Variants in TSNARE1 observed in about 807,000 individuals in gnomAD.
TSNARE1 encodes t-SNARE domain-containing protein 1.
A neutral mutation model predicts 62.0 loss-of-function variants in TSNARE1; 49 were observed. The observed-to-expected ratio is 0.79, with a 90% CI of 0.63 to 1.00. The LOEUF (loss-of-function observed/expected upper bound fraction) is 1.00. TSNARE1 is among the 50% of genes least tolerant of loss of function. The probability of loss-of-function intolerance (pLI) is 0.00; values close to 1 mark genes in which losing one functional copy is unlikely to be tolerated. For missense variants in TSNARE1, 755 were observed against 700.1 expected, an observed-to-expected ratio of 1.08 and a Z score of -0.88; for synonymous variants, 328 against 294.4, an observed-to-expected ratio of 1.11 and a Z score of -1.17.
Position 142,223,591 on chromosome 8 carries a change from TTCAC to T in TSNARE1, c.*11+5878_*11+5881del, listed in dbSNP as rs948762822. Among the ~76,000 whole-genome samples the T allele has an allele frequency of 2.0e-3, 9 of 4,444 alleles. 1 individual carries two copies. Among genetic ancestry groups the T allele is most frequent in the African/African-American group, 4.1e-3 (9 of 2,222 alleles). The allele number at this position is 4,444 out of a possible 152,430, so 2.9% of individuals were successfully genotyped here. A position where few individuals can be genotyped will look rare whatever the true frequency, so the allele number is the denominator to read the frequency against. ...ATTCACTAACTCATCCACTCACTCA[TTCAC>T]TCACTCACTCATTTATCCACTCACT... On this transcript the variant is annotated intron_variant, in intron 13 of 13. Coordinates refer to ENST00000524325, the MANE Select transcript of TSNARE1 (RefSeq NM_145003.5).
chr8:142,359,101 C>A (rs1384245429), intron 1 of TSNARE1, among the ~76,000 whole-genome samples: 1 of 152,100 alleles, frequency 6.6e-6, no homozygotes, highest in Non-Finnish European at 1.5e-5. Flanking sequence ...CAGGCTGTTA[C>A]TCGGCTTCCC....
At position 142,267,510 on chromosome 8, in the gene TSNARE1, C is replaced by T. The variant is rs538589258; in HGVS notation, c.1446+7271G>A. Among the ~76,000 whole-genome samples, 9 of 152,292 alleles carry T rather than the reference C, an allele frequency of 5.9e-5. No individual in the cohort carries two copies. In the South Asian group the frequency reaches 1.9e-3, roughly 32 times the overall value. ...TGGAATCCAGACACCTGGTTCAAGG[C>T]CTGCCTCTAGCACTCTCTGTGAACC... On this transcript the variant is annotated intron_variant, in intron 12 of 13. Coordinates refer to ENST00000524325, the MANE Select transcript of TSNARE1 (RefSeq NM_145003.5).
intron 12 of TSNARE1, among the ~76,000 whole-genome samples, chr8:142,266,854 T>A (rs1425211172): frequency 1.3e-5 from 2 of 152,222 alleles, no homozygotes; most frequent in African/African-American, 4.8e-5. Flanking sequence ...CATCTCTTCA[T>A]CTGTCGTAGT....
chr8:142,335,393 C>T (rs536270960), intron 4 of TSNARE1, among the ~76,000 whole-genome samples: 19 of 152,252 alleles, frequency 1.2e-4, no homozygotes, highest in Non-Finnish European at 2.4e-4. Context: ...ATCAATGAGG[C>T]GGGCGTGGGA....
chr8:142,294,785 G>C lies in TSNARE1; in HGVS notation c.1290+5701C>G, dbSNP rs550243344. Among the ~76,000 whole-genome samples the C allele has an allele frequency of 2.8e-3, 431 of 152,350 alleles. 2 individuals are homozygous for C. Among genetic ancestry groups the C allele is most frequent in the African/African-American group, 0.01 (421 of 41,582 alleles). On this transcript the variant is annotated intron_variant, in intron 10 of 13. Coordinates refer to ENST00000524325, the MANE Select transcript of TSNARE1 (RefSeq NM_145003.5). Reference sequence around the variant, plus strand: ...GGGACGGGCAGTGGCTCCTGGACACGACCTAATTAGATGCTCAGACACCTC... The same window carrying C: ...GGGACGGGCAGTGGCTCCTGGACACCACCTAATTAGATGCTCAGACACCTC...
intron 11 of TSNARE1, chr8:142,277,626 C>T (rs549823846): frequency 2.0e-6 from 2 of 985,428 alleles, no homozygotes; most frequent in Non-Finnish European, 2.4e-6. Context: ...CCTAAGCACT[C>T]TCGCTTGGGA....
At chr8:142,243,276 G>A (rs1157660207) in intron 12 of TSNARE1, among the ~76,000 whole-genome samples, 1 of 152,188 alleles carries the variant, frequency 6.6e-6, no homozygotes, top group African/African-American at 2.4e-5. Flanking sequence ...AATGAAACCG[G>A]TATGTCAAAG....
At position 142,354,681 on chromosome 8, in the gene TSNARE1, C is replaced by T. The variant is rs200387345; in HGVS notation, c.44G>A (p.Arg15His). Residue 15 changes from arginine to histidine, a missense_variant, in exon 2 of 14, where the codon CGT becomes CAT. Coordinates refer to ENST00000524325, the MANE Select transcript of TSNARE1 (RefSeq NM_145003.5). ...TCTCGAAGGTCCCCCGAAAGGGCCA[C>T]GGCTCCCCAGGCCACCTCCACGGGC... ...SIARGGGLGS[R>H]GPFGGPSRQG... 1.3e-5 allele frequency: 21 copies of T among 1,613,454 alleles called. No individual in the cohort carries two copies. The highest frequency in any genetic ancestry group is 7.7e-5 in the South Asian group (7 of 91,050).
intron 12 of TSNARE1, chr8:142,271,291 ATCGGCCAGACGCTGGCTCTGC>A (rs1819512269): frequency 4.7e-6 from 5 of 1,074,846 alleles, no homozygotes; most frequent in Non-Finnish European, 5.6e-6. Context: ...CCTCCACGCC[ATCGGCCAGACGCTGGCTCTGC>A]TCGGCCAGCC....
At chr8:142,380,501 C>T (rs2131202859) in intron 1 of TSNARE1, among the ~76,000 whole-genome samples, 1 of 152,220 alleles carries the variant, frequency 6.6e-6, no homozygotes, top group East Asian at 1.9e-4. Flanking sequence ...TATCACGCTG[C>T]ATCCTGACCC....
At chr8:142,272,871 A>T (rs1425978876) in intron 12 of TSNARE1, 1 of 970,952 alleles carries the variant, frequency 1.0e-6, no homozygotes, top group Non-Finnish European at 1.2e-6. Context: ...AGATGCCTCA[A>T]CCCTCCTGAC....
chr8:142,229,442 T>C (rs1252415565), intron 13 of TSNARE1, 31 bp downstream of exon 13: 1 of 1,533,136 alleles, frequency 6.5e-7, no homozygotes, highest in African/African-American at 1.4e-5. Flanking sequence ...TGCAGATGAA[T>C]GGATGGTGTA....
At chr8:142,397,727 T>C (rs990810922) in intron 1 of TSNARE1, among the ~76,000 whole-genome samples, 6 of 152,160 alleles carry the variant, frequency 3.9e-5, no homozygotes, top group African/African-American at 1.4e-4. Context: ...GCCTGCAGCC[T>C]GAAGCCCAGG....
rs1282560249 is a variant in TSNARE1 at position 142,272,186 on chromosome 8, T to G, written c.1446+2595A>C. On this transcript the variant is annotated intron_variant, in intron 12 of 13. Coordinates refer to ENST00000524325, the MANE Select transcript of TSNARE1 (RefSeq NM_145003.5). Reference sequence around the variant, plus strand: ...ATCCGTCTACTCACCCATTTATCCATGCTGTCTGTCCATCCACCCAGCCAC... The same window carrying G: ...ATCCGTCTACTCACCCATTTATCCAGGCTGTCTGTCCATCCACCCAGCCAC... Among the ~76,000 whole-genome samples, 3 of 151,994 alleles carry G rather than the reference T, an allele frequency of 2.0e-5. No individual in the cohort carries two copies. The South Asian group carries it at 6.2e-4, about 32-fold the overall frequency.
At chr8:142,269,561 T>G (rs890987855) in intron 12 of TSNARE1, 1 of 983,446 alleles carries the variant, frequency 1.0e-6, no homozygotes, top group Non-Finnish European at 1.2e-6. Context: ...ACTCCTGGCC[T>G]CAAGTGATCT....
At chr8:142,339,844 C>CG (rs1236628976) in intron 4 of TSNARE1, among the ~76,000 whole-genome samples, 1 of 152,258 alleles carries the variant, frequency 6.6e-6, no homozygotes, top group Admixed American at 6.5e-5. Flanking sequence ...TGCCGTACAG[C>CG]GCCCTCCTCC....
chr8:142,232,690 A>C (rs1283101920), intron 12 of TSNARE1, among the ~76,000 whole-genome samples: 1 of 152,152 alleles, frequency 6.6e-6, no homozygotes, highest in Admixed American at 6.5e-5. Context: ...TCTACCCATC[A>C]CCAAGCCACC....
intron 12 of TSNARE1, among the ~76,000 whole-genome samples, chr8:142,241,696 T>G (rs1447591365): frequency 6.6e-6 from 1 of 152,092 alleles, no homozygotes; most frequent in Non-Finnish European, 1.5e-5. Context: ...CAGAAACAAA[T>G]CCATGCATTT....
chr8:142,222,132 A>AC, intron 13 of TSNARE1, among the ~76,000 whole-genome samples: 1 of 148,404 alleles, frequency 6.7e-6, no homozygotes, highest in East Asian at 2.1e-4. Flanking sequence ...TCACTCACTC[A>AC]TCCACTCATT....
Sources: allele counts gnomAD v4.1 joint callset (sites outside exome capture counted in the v4.1 genomes callset), GRCh38; gene constraint gnomAD v4.1.1; transcripts MANE v1.5; gene names NCBI Gene and HGNC (gene_info 2026-07-23, HGNC 2026-07-21).